The following KCNIP4 variants were observed in gnomAD, a reference collection of about 807,000 sequenced individuals.
KCNIP4 encodes the protein potassium voltage-gated channel interacting protein 4.
In KCNIP4, 12 loss-of-function variants were observed where a neutral mutation model predicts 34.0. That is an observed-to-expected ratio of 0.35 (90% confidence interval 0.23 to 0.57). KCNIP4 has a LOEUF of 0.57. Ranked by LOEUF, KCNIP4 falls within the 20% of genes least tolerant of loss-of-function variation. KCNIP4 has a pLI of 0.83. For missense variants in KCNIP4, 238 were observed against 311.7 expected (o/e 0.76, Z 1.78); for synonymous variants, 124 against 102.2 (o/e 1.21, Z -1.29).
chr4:20,761,127 T>C (rs1212751882), intron 3 of KCNIP4, among the ~76,000 whole-genome samples: 1 of 151,872 alleles, frequency 6.6e-6, no homozygotes, highest in Non-Finnish European at 1.5e-5. Flanking sequence ...AGAGAAAGAG[T>C]GTTCTTCAGA....
chr4:21,192,958 A>C (rs79918042), intron 1 of KCNIP4, among the ~76,000 whole-genome samples: 22,479 of 140,596 alleles, frequency 0.16, 2,169 homozygotes, highest in East Asian at 0.34. Context: ...ACTACTAATA[A>C]TAATAATAAT....
chr4:21,131,935 T>C (rs1751101521), intron 1 of KCNIP4, among the ~76,000 whole-genome samples: 1 of 152,212 alleles, frequency 6.6e-6, no homozygotes, highest in African/African-American at 2.4e-5. Flanking sequence ...GCTTCTCAAA[T>C]GGGGCCATTG....
intron 1 of KCNIP4, among the ~76,000 whole-genome samples, chr4:20,966,946 A>C (rs1294234622): frequency 6.6e-6 from 1 of 152,140 alleles, no homozygotes; most frequent in East Asian, 1.9e-4. Flanking sequence ...GGGCAGGAGA[A>C]CTGAGGTTCA....
At chr4:21,307,004 T>G (rs911621665) in intron 1 of KCNIP4, among the ~76,000 whole-genome samples, 8 of 152,028 alleles carry the variant, frequency 5.3e-5, no homozygotes, top group African/African-American at 1.7e-4. Flanking sequence ...GTATTTTTAG[T>G]AGAGACGGGG....
intron 1 of KCNIP4, among the ~76,000 whole-genome samples, chr4:21,360,244 GAAC>G (rs1460293780): frequency 1.3e-5 from 2 of 151,876 alleles, no homozygotes; most frequent in African/African-American, 4.8e-5. Context: ...ATCCTTATTT[GAAC>G]AACAAAAATA....
intron 1 of KCNIP4, among the ~76,000 whole-genome samples, chr4:21,263,022 G>C (rs1038659093): frequency 1.3e-5 from 2 of 152,156 alleles, no homozygotes; most frequent in Non-Finnish European, 2.9e-5. Flanking sequence ...TGTTCATCCA[G>C]GCTGAATTCC....
chr4:21,368,717 G>A (rs1161289973), intron 1 of KCNIP4, among the ~76,000 whole-genome samples: 2 of 147,338 alleles, frequency 1.4e-5, no homozygotes, highest in Non-Finnish European at 2.9e-5. Context: ...GAGCAGAGGG[G>A]AGCCTCATAT....
intron 2 of KCNIP4, among the ~76,000 whole-genome samples, chr4:20,871,410 T>C (rs564960667): frequency 3.9e-5 from 6 of 152,064 alleles, no homozygotes; most frequent in South Asian, 4.2e-4. Context: ...GCGGTATACA[T>C]TGGCAGAAAA....
intron 3 of KCNIP4, among the ~76,000 whole-genome samples, chr4:20,839,582 A>G (rs1249976157): frequency 2.0e-5 from 3 of 151,264 alleles, no homozygotes; most frequent in South Asian, 4.2e-4. Flanking sequence ...TGAGAGGGGG[A>G]AAAAGAAACT....
intron 1 of KCNIP4, among the ~76,000 whole-genome samples, chr4:21,617,063 C>T (rs1744656992): frequency 6.6e-6 from 1 of 152,152 alleles, no homozygotes; most frequent in East Asian, 1.9e-4. Flanking sequence ...GTTAGTACAT[C>T]TGAGTGAATA....
intron 1 of KCNIP4, among the ~76,000 whole-genome samples, chr4:21,091,652 T>C (rs1367124403): frequency 6.6e-6 from 1 of 152,216 alleles, no homozygotes; most frequent in Non-Finnish European, 1.5e-5. Context: ...CTCACAGCTC[T>C]GGAGGCTGGA....
At chr4:21,578,316 G>A (rs1360396269) in intron 1 of KCNIP4, among the ~76,000 whole-genome samples, 1 of 124,476 alleles carries the variant, frequency 8.0e-6, no homozygotes, top group Admixed American at 9.9e-5. Flanking sequence ...CTGGGTGACA[G>A]AGCGAGACTC....
intron 1 of KCNIP4, among the ~76,000 whole-genome samples, chr4:21,105,355 G>A (rs1490878519): frequency 4.0e-5 from 6 of 151,510 alleles, no homozygotes; most frequent in Admixed American, 3.9e-4. Context: ...TCTCTTTGAA[G>A]CAATTGTGAA....
chr4:20,966,809 T>C (rs1480232985), intron 1 of KCNIP4, among the ~76,000 whole-genome samples: 1 of 152,212 alleles, frequency 6.6e-6, no homozygotes, highest in Non-Finnish European at 1.5e-5. Context: ...AAATCTGGGT[T>C]ACAATACTAG....
chr4:20,731,963 T>A (rs368037999), intron 8 of KCNIP4, 43 bp downstream of exon 8: 2 of 1,610,378 alleles, frequency 1.2e-6, no homozygotes, highest in Non-Finnish European at 1.7e-6. Flanking sequence ...AGTTTAGCTG[T>A]TATGATAGCT....
chr4:20,828,256 G>A lies in KCNIP4; in HGVS notation c.288+22287C>T, dbSNP rs902252959. On this transcript the variant is annotated intron_variant, in intron 3 of 8. Coordinates refer to ENST00000382152, the MANE Select transcript of KCNIP4 (RefSeq NM_025221.6). Reference sequence around the variant, plus strand: ...ATCCTGGCCAACATGGTGAAACCCTGTCTCTACTAAAAATACAAAGATTAG... The same window carrying A: ...ATCCTGGCCAACATGGTGAAACCCTATCTCTACTAAAAATACAAAGATTAG... Among the ~76,000 whole-genome samples, 7 of 152,198 alleles carry A rather than the reference G, an allele frequency of 4.6e-5. 1 individual carries two copies. The South Asian group carries it at 1.5e-3, about 32-fold the overall frequency.
In KCNIP4 at chr4:21,720,007, AAGAAGAAGAAGG is replaced by A. The variant is rs201262841; in HGVS notation, c.61+228552_61+228563del. On this transcript the variant is annotated intron_variant, in intron 1 of 8. Coordinates refer to ENST00000382152, the MANE Select transcript of KCNIP4 (RefSeq NM_025221.6). The stretch of plus-strand genomic sequence containing the variant: ...AGAAGAGGAAGAAGAAAAGAAAAAG[AAGAAGAAGAAGG>A]AGAAGGAGAAGGAGAAGGAGAAGGA... Among the ~76,000 whole-genome samples the A allele has an allele frequency of 1.8e-3, 231 of 128,468 alleles. 6 individuals carry two copies. In the East Asian group the frequency reaches 0.046, roughly 25 times the overall value. 84.3% of individuals were successfully genotyped at this position (128,468 alleles called of 152,430 possible). A position where few individuals can be genotyped will look rare whatever the true frequency, so the allele number is the denominator to read the frequency against.
At position 21,008,598 on chromosome 4, in the gene KCNIP4, A is replaced by C. The variant is rs555830324; in HGVS notation, c.62-125889T>G. On this transcript the variant is annotated intron_variant, in intron 1 of 8. Coordinates refer to ENST00000382152, the MANE Select transcript of KCNIP4 (RefSeq NM_025221.6). ...GAGTGCAGTGGTGCGATCTCGGCTCACTGCAAGCTCCGCCTCCCGGGTTCA... is the reference window on the plus strand; with the variant it reads ...GAGTGCAGTGGTGCGATCTCGGCTCCCTGCAAGCTCCGCCTCCCGGGTTCA... Among the ~76,000 whole-genome samples, 285 of 151,626 alleles carry C rather than the reference A, an allele frequency of 1.9e-3. 1 individual carries two copies. The highest frequency in any genetic ancestry group is 6.6e-3 in the African/African-American group (271 of 41,288).
chr4:21,103,382 T>A (rs191086884), intron 1 of KCNIP4, among the ~76,000 whole-genome samples: 1,855 of 146,818 alleles, frequency 0.013, 41 homozygotes, highest in African/African-American at 0.039. Flanking sequence ...TATATATATT[T>A]TATATATATA....
Sources: gnomAD v4.1 joint callset for allele counts (sites outside exome capture counted in the v4.1 genomes callset) on GRCh38, gnomAD v4.1.1 for gene constraint, MANE v1.5 for transcripts, NCBI Gene and HGNC (gene_info 2026-07-23, HGNC 2026-07-21) for gene names.